WASF3: variants seen among roughly 807,000 people sequenced by gnomAD.
The protein encoded by WASF3 is actin-binding protein WASF3.
WASF3 carries 11 observed loss-of-function variants against 46.6 expected under a neutral mutation model. The ratio of observed to expected loss-of-function variants is 0.24; its 90% CI spans 0.15 to 0.39. The LOEUF (loss-of-function observed/expected upper bound fraction) is 0.39, where lower values mean the gene tolerates loss of function less well. Among genes scored for constraint, WASF3 ranks in the 10% least tolerant of loss-of-function variants. WASF3 has a pLI of 1.00. For missense variants in WASF3, 576 were observed against 669.8 expected (o/e 0.86, Z 1.55); for synonymous variants, 242 against 259.7 (o/e 0.93, Z 0.65).
chr13:26,554,931 A>G (rs1035556415), upstream of WASF3, among the ~76,000 whole-genome samples: 1 of 152,148 alleles, frequency 6.6e-6, no homozygotes, highest in Non-Finnish European at 1.5e-5. Flanking sequence ...TTGTGAGACT[A>G]TGCTTAGCTT....
intron 5 of WASF3, among the ~76,000 whole-genome samples, chr13:26,667,958 G>T (rs1368729957): frequency 1.3e-5 from 2 of 152,176 alleles, no homozygotes; most frequent in East Asian, 3.8e-4. Context: ...AAGTGAGTAA[G>T]TTGCATAACA....
chr13:26,602,766 T>C (rs1402457275), intron 1 of WASF3, among the ~76,000 whole-genome samples: 1 of 152,242 alleles, frequency 6.6e-6, no homozygotes, highest in Non-Finnish European at 1.5e-5. Context: ...ATTTAAAAAT[T>C]GTCATGGTAA....
intron 1 of WASF3, among the ~76,000 whole-genome samples, chr13:26,587,327 A>G (rs574703265): frequency 7.9e-5 from 12 of 151,942 alleles, no homozygotes; most frequent in African/African-American, 1.4e-4. Context: ...TGTATCATCA[A>G]TCCAATCAAG....
chr13:26,669,150 A>G (rs1212899725), intron 5 of WASF3, among the ~76,000 whole-genome samples: 1 of 151,874 alleles, frequency 6.6e-6, no homozygotes, highest in Non-Finnish European at 1.5e-5. Flanking sequence ...TGACTTTCAC[A>G]TATATATGTG....
At chr13:26,619,928 T>C (rs929916899) in intron 2 of WASF3, among the ~76,000 whole-genome samples, 3 of 152,152 alleles carry the variant, frequency 2.0e-5, no homozygotes, top group African/African-American at 7.2e-5. Flanking sequence ...TGCCTTTTTA[T>C]CCTGGTAAGA....
At chr13:26,564,338 C>T (rs1879393526) in intron 1 of WASF3, among the ~76,000 whole-genome samples, 2 of 152,200 alleles carry the variant, frequency 1.3e-5, no homozygotes, top group Admixed American at 1.3e-4. Flanking sequence ...TGAACGTCGT[C>T]GTCATATAGA....
At chr13:26,560,738 G>C (rs899697189) in intron 1 of WASF3, among the ~76,000 whole-genome samples, 1 of 152,186 alleles carries the variant, frequency 6.6e-6, no homozygotes, top group Admixed American at 6.5e-5. Flanking sequence ...ACACTTCAGA[G>C]TTTTAATATG....
chr13:26,605,433 C>G (rs190693916), intron 1 of WASF3, among the ~76,000 whole-genome samples: 1 of 152,276 alleles, frequency 6.6e-6, no homozygotes, highest in Non-Finnish European at 1.5e-5. Context: ...AGAGGCAACT[C>G]AGGGTCACTA....
chr13:26,677,294 G>T (rs1460320029), intron 7 of WASF3, among the ~76,000 whole-genome samples: 1 of 152,192 alleles, frequency 6.6e-6, no homozygotes, highest in Non-Finnish European at 1.5e-5. Context: ...ATTTCTTGCA[G>T]GCGTGAATGA....
intron 3 of WASF3, among the ~76,000 whole-genome samples, chr13:26,657,494 C>T (rs1458902853): frequency 6.6e-6 from 1 of 152,192 alleles, no homozygotes; most frequent in Non-Finnish European, 1.5e-5. Context: ...AATAGTATAA[C>T]AACTCTTGAG....
chr13:26,569,016 A>G (rs1048916543), intron 1 of WASF3, among the ~76,000 whole-genome samples: 4 of 152,314 alleles, frequency 2.6e-5, no homozygotes, highest in Non-Finnish European at 5.9e-5. Context: ...AGTATTTTGG[A>G]TAATTAGTTG....
intron 1 of WASF3, among the ~76,000 whole-genome samples, chr13:26,558,844 C>T (rs533326816): frequency 7.9e-5 from 12 of 152,256 alleles, no homozygotes; most frequent in African/African-American, 2.9e-4. Flanking sequence ...TTTTAAGATT[C>T]AGAGTCTACT....
At chr13:26,584,925 A>G (rs527773742) in intron 1 of WASF3, among the ~76,000 whole-genome samples, 33 of 152,316 alleles carry the variant, frequency 2.2e-4, no homozygotes, top group Middle Eastern at 3.4e-3. Context: ...GATAGTTCTG[A>G]TAACTCATGC....
intron 3 of WASF3, among the ~76,000 whole-genome samples, chr13:26,663,114 G>T (rs1566067340): frequency 6.6e-6 from 1 of 152,192 alleles, no homozygotes; most frequent in Non-Finnish European, 1.5e-5. Flanking sequence ...ACTTGGTGTT[G>T]AGTTAGCCGT....
intron 2 of WASF3, among the ~76,000 whole-genome samples, chr13:26,621,641 T>C (rs1881309467): frequency 1.3e-5 from 2 of 152,196 alleles, no homozygotes; most frequent in Non-Finnish European, 1.5e-5. Flanking sequence ...AAGAGCAAAG[T>C]GTGAACATTT....
chr13:26,678,995 C>T (rs1176690704), intron 7 of WASF3, among the ~76,000 whole-genome samples: 1 of 151,814 alleles, frequency 6.6e-6, no homozygotes, highest in Non-Finnish European at 1.5e-5. Flanking sequence ...CCTCCCAGCC[C>T]TCTTCCTCCT....
At chr13:26,660,698 G>A (rs1882604386) in intron 3 of WASF3, among the ~76,000 whole-genome samples, 2 of 151,770 alleles carry the variant, frequency 1.3e-5, no homozygotes, top group African/African-American at 2.4e-5. Flanking sequence ...TCTTCTCCAG[G>A]TTTTTAAAAA....
rs1882023568 is a variant in WASF3, at chr13:26,642,334, A to T, written c.64A>T (p.Ile22Phe). The T allele has an allele frequency of 6.2e-7, 1 of 1,612,134 alleles. No homozygotes were observed. The highest frequency in any genetic ancestry group is 8.5e-7 in the Non-Finnish European group (1 of 1,179,322). ...HLCRGALPEG[I>F]TSELECVTNS... ...GTGCCGGGGAGCTCTGCCTGAAGGGATTACCAGCGAACTTGAATGTGTAAC... is the reference window on the plus strand; with the variant it reads ...GTGCCGGGGAGCTCTGCCTGAAGGGTTTACCAGCGAACTTGAATGTGTAAC... The change falls in exon 3 of 10, where the codon ATT (isoleucine) becomes TTT (phenylalanine). Residue 22 changes from isoleucine (I) to phenylalanine (F), a missense_variant. Ile to Phe is a conservative substitution (Grantham distance 21). Around this residue, in one of 3 missense-constraint regions of WASF3, gnomAD observed 213 missense variants for 278.0 expected, o/e 0.77. Coordinates refer to ENST00000335327, the MANE Select transcript of WASF3 (RefSeq NM_006646.6).
In WASF3 at chr13:26,682,819, G is replaced by T. The variant is rs773979263; in HGVS notation, c.1196G>T (p.Gly399Val). 20 of 1,610,104 alleles carry T rather than the reference G, an allele frequency of 1.2e-5. No individual in the cohort carries two copies. In the East Asian group the frequency reaches 3.6e-4, roughly 29 times the overall value. Residue 399 changes from glycine to valine, a missense_variant, in exon 9 of 10, where the codon GGC becomes GTC. Gly to Val is a moderately radical substitution (Grantham distance 109). Coordinates refer to ENST00000335327, the MANE Select transcript of WASF3 (RefSeq NM_006646.6). This position sits in a 1 kb window ranked among gnomAD's most constrained non-coding sequence, Gnocchi z 4.4. ...CTGGTCACAGCCCCGCCACCCCCGG[G>T]CCCACCACCTCCCCCGCCAGGCCCT... Reference protein sequence around the residue: ...GLLVTAPPPPGPPPPPPGPPG... With the variant: ...GLLVTAPPPPVPPPPPPGPPG...
Sources: gnomAD v4.1 joint callset for allele counts (sites outside exome capture counted in the v4.1 genomes callset) on GRCh38, gnomAD v4.1.1 for gene constraint, gnomAD v4.1.1 regional missense constraint, Gnocchi (gnomAD v3.1) non-coding constraint, MANE v1.5 for transcripts, NCBI Gene and HGNC (gene_info 2026-07-23, HGNC 2026-07-21) for gene names.